The following MACROD2 variants were observed in gnomAD, a reference collection of about 807,000 sequenced individuals.
The protein encoded by MACROD2 is mono-ADP ribosylhydrolase 2, also known as ADP-ribose glycohydrolase MACROD2.
Under a neutral mutation model 70.4 loss-of-function variants are expected in MACROD2, and 36 were observed. That is an observed-to-expected ratio of 0.51 (90% CI 0.39 to 0.68). The LOEUF is 0.68. MACROD2 is among the 30% of genes least tolerant of loss of function. MACROD2 has a pLI of 0.00. For missense variants in MACROD2, 496 were observed against 538.4 expected, an observed-to-expected ratio of 0.92 and a Z score of 0.78; for synonymous variants, 172 against 178.8, an observed-to-expected ratio of 0.96 and a Z score of 0.30.
intron 5 of MACROD2, among the ~76,000 whole-genome samples, chr20:15,081,330 T>A (rs1053526235): frequency 4.6e-5 from 7 of 152,194 alleles, no homozygotes; most frequent in African/African-American, 1.7e-4. Context: ...CAGAGATTTT[T>A]ATGGGATGCA....
At chr20:14,358,845 C>G (rs1029462563) in intron 3 of MACROD2, among the ~76,000 whole-genome samples, 16 of 152,270 alleles carry the variant, frequency 1.1e-4, no homozygotes, top group African/African-American at 3.9e-4. Flanking sequence ...CCTGGCTGAC[C>G]TCTTTTCACC....
chr20:15,967,654 G>C, intron 13 of MACROD2, 24 bp downstream of exon 13: 1 of 873,620 alleles, frequency 1.1e-6, no homozygotes, highest in Non-Finnish European at 1.6e-6. Flanking sequence ...TCCTTTATTA[G>C]ATTTTCTTTT....
At chr20:14,379,523 C>T (rs2083402733) in intron 3 of MACROD2, among the ~76,000 whole-genome samples, 1 of 152,094 alleles carries the variant, frequency 6.6e-6, no homozygotes, top group Non-Finnish European at 1.5e-5. Flanking sequence ...AATACTTTCA[C>T]GATGTTGTGT....
rs149208963 is a variant in MACROD2 at position 15,912,536 on chromosome 20, T to C, written c.776-20740T>C. On this transcript the variant is annotated intron_variant, in intron 10 of 17. Coordinates refer to ENST00000684519, the MANE Select transcript of MACROD2 (RefSeq NM_001351661.2). ...GTTCTTAGGAGGCTGAACCCTGAGG[T>C]TTTTCTTTTCAACTTACTCACTATA... Among the ~76,000 whole-genome samples, 565 of 152,264 alleles carry C rather than the reference T, an allele frequency of 3.7e-3. 2 individuals carry two copies. Among genetic ancestry groups the C allele is most frequent in the African/African-American group, 0.013 (542 of 41,538 alleles).
At chr20:15,699,639 G>A (rs1391521630) in intron 8 of MACROD2, among the ~76,000 whole-genome samples, 1 of 152,176 alleles carries the variant, frequency 6.6e-6, no homozygotes, top group African/African-American at 2.4e-5. Flanking sequence ...CAGGCGGAGG[G>A]TGAGACGGGC....
chr20:15,230,092 T>A lies in MACROD2; in HGVS notation c.540+31T>A, dbSNP rs1285415394. 8.1e-6 allele frequency: 13 copies of A among 1,601,478 alleles called. No individual in the cohort carries two copies. The Admixed American group carries it at 2.2e-4, about 27-fold the overall frequency. On this transcript the variant is annotated intron_variant, in intron 6 of 17. Coordinates refer to ENST00000684519, the MANE Select transcript of MACROD2 (RefSeq NM_001351661.2). ...TAATTTTATGTTTTTTATTTCTCAC[T>A]CTTTTTCAACCTTTATGCTTTAGTA...
At chr20:15,851,610 G>C (rs78074605) in intron 8 of MACROD2, among the ~76,000 whole-genome samples, 182 of 152,282 alleles carry the variant, frequency 1.2e-3, no homozygotes, top group Middle Eastern at 6.8e-3. Context: ...TTCAAATATA[G>C]TCACATTCTG....
chr20:14,965,350 C>T (rs528287111), intron 5 of MACROD2, among the ~76,000 whole-genome samples: 1 of 151,556 alleles, frequency 6.6e-6, no homozygotes, highest in Admixed American at 6.6e-5. Context: ...TTCCAAATGC[C>T]ATTTTTTATA....
rs1409821803 is a variant in MACROD2, at chr20:14,575,395, G to A, written c.301+81887G>A. Reference sequence around the variant, plus strand: ...AATTTGTTGTGCTATCACACATCCCGTAACCTCTGGAAAACACCACTGTAC... The same window carrying A: ...AATTTGTTGTGCTATCACACATCCCATAACCTCTGGAAAACACCACTGTAC... On this transcript the variant is annotated intron_variant, in intron 4 of 17. Coordinates refer to ENST00000684519, the MANE Select transcript of MACROD2 (RefSeq NM_001351661.2). 8.5e-5 allele frequency among the ~76,000 whole-genome samples: 13 copies of A among 152,132 alleles called. No homozygotes were observed. In the South Asian group the frequency reaches 1.2e-3, roughly 15 times the overall value.
At chr20:14,195,772 C>T (rs1045256614) in intron 3 of MACROD2, among the ~76,000 whole-genome samples, 18 of 152,102 alleles carry the variant, frequency 1.2e-4, no homozygotes, top group African/African-American at 4.3e-4. Context: ...CCAAGCAGCT[C>T]GACTCTAGGG....
At chr20:14,407,538 T>C (rs1759253876) in intron 3 of MACROD2, among the ~76,000 whole-genome samples, 1 of 152,178 alleles carries the variant, frequency 6.6e-6, no homozygotes, top group South Asian at 2.1e-4. Context: ...TAGGTTTCGA[T>C]GTGTCATTTA....
At chr20:15,012,346 G>A (rs2075089056) in intron 5 of MACROD2, among the ~76,000 whole-genome samples, 2 of 152,200 alleles carry the variant, frequency 1.3e-5, no homozygotes, top group South Asian at 4.1e-4. Flanking sequence ...ATGGCTGTTT[G>A]TTTTAACTTA....
intron 5 of MACROD2, among the ~76,000 whole-genome samples, chr20:14,991,181 T>C (rs978446500): frequency 6.6e-6 from 1 of 152,096 alleles, no homozygotes; most frequent in South Asian, 2.1e-4. Flanking sequence ...AAGCCTTGAA[T>C]GATGTCAGTG....
intron 4 of MACROD2, among the ~76,000 whole-genome samples, chr20:14,514,101 T>A (rs961848590): frequency 6.6e-6 from 1 of 152,132 alleles, no homozygotes; most frequent in African/African-American, 2.4e-5. Flanking sequence ...TGTCACTTTC[T>A]GAACCAAAAT....
chr20:14,728,523 T>G (rs2071556506), intron 5 of MACROD2, among the ~76,000 whole-genome samples: 1 of 152,226 alleles, frequency 6.6e-6, no homozygotes, highest in Non-Finnish European at 1.5e-5. Context: ...AGATTCCATT[T>G]AAAAACCTTA....
At chr20:14,903,135 G>A (rs867441798) in intron 5 of MACROD2, among the ~76,000 whole-genome samples, 4 of 142,976 alleles carry the variant, frequency 2.8e-5, no homozygotes, top group Non-Finnish European at 4.5e-5. Context: ...TGTGTCTCCC[G>A]GATTCAAGCG....
chr20:15,669,241 A>G (rs1248184472), intron 8 of MACROD2, among the ~76,000 whole-genome samples: 1 of 152,222 alleles, frequency 6.6e-6, no homozygotes, highest in East Asian at 1.9e-4. Flanking sequence ...TGTTGACAAC[A>G]TTGTTTGCTG....
intron 6 of MACROD2, among the ~76,000 whole-genome samples, chr20:15,326,923 A>G (rs1347918091): frequency 1.3e-5 from 2 of 152,180 alleles, no homozygotes. Flanking sequence ...CAACAACAAC[A>G]TGACTTTGGC....
chr20:15,457,029 T>A (rs889035588), intron 7 of MACROD2, among the ~76,000 whole-genome samples: 1 of 148,668 alleles, frequency 6.7e-6, no homozygotes, highest in South Asian at 2.1e-4. Flanking sequence ...GAAAAGGGAA[T>A]GCTATTCATT....
Sources: allele counts gnomAD v4.1 joint callset (sites outside exome capture counted in the v4.1 genomes callset), GRCh38; gene constraint gnomAD v4.1.1; transcripts MANE v1.5; gene names NCBI Gene and HGNC (gene_info 2026-07-23, HGNC 2026-07-21).